Variants in SHANK2 observed in about 807,000 individuals in gnomAD.
SHANK2 encodes the protein SH3 and multiple ankyrin repeat domains protein 2.
In SHANK2, 43 loss-of-function variants were observed where a neutral mutation model predicts 133.7. That is an observed-to-expected ratio of 0.32 (90% CI 0.25 to 0.41). SHANK2 has a LOEUF of 0.41. SHANK2 is among the 10% of genes least tolerant of loss of function. The pLI is 1.00. For missense variants in SHANK2, 1,994 were observed against 2,235.8 expected (o/e 0.89, Z 2.18); for synonymous variants, 1,017 against 952.8 (o/e 1.07, Z -1.24).
chr11:70,588,247 A>G (rs2060279022), intron 17 of SHANK2, among the ~76,000 whole-genome samples: 1 of 152,208 alleles, frequency 6.6e-6, no homozygotes, highest in African/African-American at 2.4e-5. Flanking sequence ...AGGCCAATTA[A>G]TGATCACACA....
intron 17 of SHANK2, among the ~76,000 whole-genome samples, chr11:70,590,895 G>C (rs912815104): frequency 2.0e-5 from 3 of 152,214 alleles, no homozygotes; most frequent in Admixed American, 2.0e-4. Flanking sequence ...AGTCATCCTG[G>C]AGTTAACGAG....
In SHANK2 at chr11:70,882,205, T is replaced by G. The variant is rs1284298887; in HGVS notation, c.1174+14296A>C. Among the ~76,000 whole-genome samples the G allele has an allele frequency of 6.6e-6, 1 of 151,700 alleles. No individual in the cohort carries two copies. The highest frequency in any genetic ancestry group is 1.5e-5 in the Non-Finnish European group (1 of 67,934). On this transcript the variant is annotated intron_variant, in intron 11 of 25. Transcript: ENST00000601538. This position sits in a 1 kb window ranked among gnomAD's most constrained non-coding sequence, Gnocchi z 4.2. The stretch of plus-strand genomic sequence containing the variant: ...GGAGGGAGTGGGGAAAGGGAAGGAA[T>G]GAGCAAGGGAGAAGGAAGTGGAGGA...
At chr11:70,515,012 C>T (rs11236491) in intron 17 of SHANK2, among the ~76,000 whole-genome samples, 44,240 of 152,086 alleles carry the variant, frequency 0.29, 6,875 homozygotes, top group African/African-American at 0.4. Context: ...TGAGAAAAGA[C>T]AGTTCCTGGG....
At chr11:70,697,560 G>A (rs902963738) in intron 15 of SHANK2, among the ~76,000 whole-genome samples, 6 of 152,216 alleles carry the variant, frequency 3.9e-5, no homozygotes, top group Admixed American at 2.6e-4. Flanking sequence ...GCCCAATATC[G>A]TAAACGTACT....
At position 71,088,366 on chromosome 11, in the gene SHANK2, C is replaced by T. The variant is rs1459902858; in HGVS notation, c.912+4056G>A. On this transcript the variant is annotated intron_variant, in intron 8 of 25. Coordinates refer to ENST00000601538, the MANE Select transcript of SHANK2 (RefSeq NM_012309.5). ...ATTGGTTCTGTTTTTCTGGAGAACT[C>T]ATCACACCTGAACACACAAACAACA... Among the ~76,000 whole-genome samples the T allele has an allele frequency of 3.9e-5, 6 of 152,306 alleles. No individual in the cohort carries two copies. In the South Asian group the frequency reaches 8.3e-4, roughly 21 times the overall value.
At chr11:70,918,796 C>A (rs1555080284) in intron 10 of SHANK2, among the ~76,000 whole-genome samples, 2 of 152,162 alleles carry the variant, frequency 1.3e-5, no homozygotes, top group Admixed American at 6.5e-5. Flanking sequence ...CATGACCCAC[C>A]ATGCCCAGCC....
At chr11:70,577,968 G>A (rs1434313757) in intron 17 of SHANK2, among the ~76,000 whole-genome samples, 6 of 152,264 alleles carry the variant, frequency 3.9e-5, no homozygotes, top group African/African-American at 1.2e-4. Context: ...AGCTGAATGC[G>A]AGCCCAGGAG....
chr11:70,591,750 C>T (rs1371625945), intron 17 of SHANK2, among the ~76,000 whole-genome samples: 2 of 152,158 alleles, frequency 1.3e-5, no homozygotes, highest in African/African-American at 2.4e-5. Flanking sequence ...GGCGCGGTGG[C>T]TCACACCTGT....
chr11:70,881,449 T>C (rs962386984), intron 11 of SHANK2, among the ~76,000 whole-genome samples: 1 of 151,828 alleles, frequency 6.6e-6, no homozygotes, highest in Non-Finnish European at 1.5e-5. Context: ...TTACAGTGTC[T>C]TATGTCTGTA....
At chr11:70,605,834 G>A (rs1554992217) in intron 17 of SHANK2, among the ~76,000 whole-genome samples, 1 of 152,216 alleles carries the variant, frequency 6.6e-6, no homozygotes, top group South Asian at 2.1e-4. Context: ...CGGCAGGTGG[G>A]CTGGCAGCAA....
In SHANK2 at chr11:70,490,142, G is replaced by A. The variant is rs12271261; in HGVS notation, c.2551+134C>T. On this transcript the variant is annotated intron_variant, in intron 23 of 25. Transcript: ENST00000601538. ...GCCAGGTTCCCACCCTCTGGTGGGT[G>A]GGCTGGCAGGGCCTTGCTGGGGTGG... 3,220 of 722,210 alleles carry A rather than the reference G, an allele frequency of 4.5e-3. 68 individuals are homozygous for A. In the African/African-American group the frequency reaches 0.047, roughly 10 times the overall value. 44.7% of individuals were successfully genotyped at this position (722,210 alleles called of 1,614,324 possible). A position where few individuals can be genotyped will look rare whatever the true frequency, so the allele number is the denominator to read the frequency against.
chr11:70,483,423 G>A (rs1555152224), intron 25 of SHANK2, among the ~76,000 whole-genome samples: 3 of 151,392 alleles, frequency 2.0e-5, no homozygotes, highest in African/African-American at 7.3e-5. Flanking sequence ...TTTTGGCCCA[G>A]TGCAGTGACT....
chr11:71,153,104 G>A (rs540735450), intron 2 of SHANK2, among the ~76,000 whole-genome samples: 3 of 152,196 alleles, frequency 2.0e-5, no homozygotes, highest in Non-Finnish European at 1.5e-5. Flanking sequence ...CAGGGGGGCT[G>A]GGCTGAGTTC....
chr11:70,512,955 G>GGTAAA (rs1162963301), intron 17 of SHANK2, among the ~76,000 whole-genome samples: 2 of 151,446 alleles, frequency 1.3e-5, no homozygotes, highest in African/African-American at 4.8e-5. Flanking sequence ...TGGGGAATAA[G>GGTAAA]GTAAAGTAAA....
At chr11:70,941,857 T>TATA (rs1272463330) in intron 10 of SHANK2, among the ~76,000 whole-genome samples, 1 of 150,400 alleles carries the variant, frequency 6.6e-6, no homozygotes. Context: ...TAATATAATA[T>TATA]ATAATAATAA....
In SHANK2 at chr11:70,842,113, G is replaced by A. The variant is rs543766462; in HGVS notation, c.1175-21431C>T. Among the ~76,000 whole-genome samples, 11 of 152,228 alleles carry A rather than the reference G, an allele frequency of 7.2e-5. No individual in the cohort carries two copies. In the South Asian group the frequency reaches 1.9e-3, roughly 26 times the overall value. ...TTTGGCCCATGCTTGTTCAAATCACGAACAGAACAAATGCAATATTGGCGA... is the reference window on the plus strand; with the variant it reads ...TTTGGCCCATGCTTGTTCAAATCACAAACAGAACAAATGCAATATTGGCGA... On this transcript the variant is annotated intron_variant, in intron 11 of 25. Transcript: ENST00000601538.
intron 14 of SHANK2, among the ~76,000 whole-genome samples, chr11:70,706,801 C>CA (rs1489377847): frequency 6.6e-6 from 1 of 151,088 alleles, no homozygotes; most frequent in Non-Finnish European, 1.5e-5. Context: ...TTTTGGGACT[C>CA]ACGAGAGGCA....
At chr11:70,786,768 C>T (rs1279046185) in intron 14 of SHANK2, among the ~76,000 whole-genome samples, 3 of 152,144 alleles carry the variant, frequency 2.0e-5, no homozygotes, top group Non-Finnish European at 4.4e-5. Flanking sequence ...AATATTTGTT[C>T]ATGGCCAGAG....
At chr11:71,155,154 G>T in intron 2 of SHANK2, among the ~76,000 whole-genome samples, 1 of 89,220 alleles carries the variant, frequency 1.1e-5, no homozygotes, top group East Asian at 3.5e-4. Flanking sequence ...CCCGGAGGAG[G>T]AGTGGACCTA....
Sources: gnomAD v4.1 joint callset for allele counts (sites outside exome capture counted in the v4.1 genomes callset) on GRCh38, gnomAD v4.1.1 for gene constraint, Gnocchi (gnomAD v3.1) non-coding constraint, MANE v1.5 for transcripts, NCBI Gene and HGNC (gene_info 2026-07-23, HGNC 2026-07-21) for gene names.